The following NCAM2 variants were observed in gnomAD, a reference collection of about 807,000 sequenced individuals.
NCAM2 encodes the protein N-CAM-2.
In NCAM2, 30 loss-of-function variants were observed where a neutral mutation model predicts 98.1. The ratio of observed to expected loss-of-function variants is 0.31; its 90% CI spans 0.23 to 0.41. The LOEUF (loss-of-function observed/expected upper bound fraction) is 0.41, where lower values mean the gene tolerates loss of function less well. Among genes scored for constraint, NCAM2 ranks in the 10% least tolerant of loss-of-function variants. The pLI is 1.00. For synonymous variants in NCAM2, 368 were observed against 342.4 expected (o/e 1.07, Z -0.83); for missense variants, 867 against 1,005.8 (o/e 0.86, Z 1.87).
At chr21:21,057,765 C>T (rs2065241767) in intron 1 of NCAM2, among the ~76,000 whole-genome samples, 1 of 152,108 alleles carries the variant, frequency 6.6e-6, no homozygotes, top group African/African-American at 2.4e-5. Flanking sequence ...TATTGACTAG[C>T]TAAAACGGGA....
At chr21:21,278,004 A>G (rs1023712189) in intron 1 of NCAM2, among the ~76,000 whole-genome samples, 2 of 152,198 alleles carry the variant, frequency 1.3e-5, no homozygotes, top group African/African-American at 4.8e-5. Context: ...GTTTGCATAC[A>G]GAAAATTTGA....
intron 1 of NCAM2, among the ~76,000 whole-genome samples, chr21:21,262,658 C>CAAAAAAAAAAAAAAAA (rs33912324): frequency 1.5e-4 from 12 of 78,888 alleles, no homozygotes; most frequent in East Asian, 9.8e-4. Context: ...AACAATCAGT[C>CAAAAAAAAAAAAAAAA]AAAAAAAAAA....
chr21:21,057,574 C>T (rs1261307794), intron 1 of NCAM2, among the ~76,000 whole-genome samples: 1 of 152,074 alleles, frequency 6.6e-6, no homozygotes, highest in African/African-American at 2.4e-5. Context: ...CCGACAAATC[C>T]TTCCTGATCG....
intron 8 of NCAM2, among the ~76,000 whole-genome samples, chr21:21,353,740 C>T (rs1376853746): frequency 6.6e-6 from 1 of 152,072 alleles, no homozygotes; most frequent in Non-Finnish European, 1.5e-5. Flanking sequence ...CTTCTTTGGG[C>T]CATTATACAC....
chr21:21,494,647 A>G (rs1987086437), intron 15 of NCAM2, among the ~76,000 whole-genome samples: 2 of 152,034 alleles, frequency 1.3e-5, no homozygotes, highest in South Asian at 4.1e-4. Flanking sequence ...GTTCAACTGG[A>G]TAGTTAAAGA....
intron 12 of NCAM2, among the ~76,000 whole-genome samples, chr21:21,465,554 TA>T (rs367897813): frequency 0.53 from 79,390 of 151,044 alleles, 21,748 homozygotes; most frequent in African/African-American, 0.59. Flanking sequence ...TAAATTATAA[TA>T]TAATCATTAG....
Position 21,540,132 on chromosome 21 carries a change from GCTTTA to G in NCAM2, c.*2179_*2183del. The G allele has an allele frequency of 6.6e-6, 1 of 152,026 alleles. No homozygotes were observed. The highest frequency in any genetic ancestry group is 2.1e-4 in the South Asian group (1 of 4,826). The allele number at this position is 152,026 out of a possible 1,614,324, so 9.4% of individuals were successfully genotyped here. ...GCATGTTTACTATTGTTATATTCGT[GCTTTA>G]CTTCAAGAGTGCAGAAATCATAATA... On this transcript the variant is annotated 3_prime_UTR_variant, in exon 18 of 18. Transcript: ENST00000400546.
intron 1 of NCAM2, among the ~76,000 whole-genome samples, chr21:21,167,030 A>G (rs1322983075): frequency 6.6e-6 from 1 of 152,186 alleles, no homozygotes; most frequent in East Asian, 1.9e-4. Context: ...TCTCCAAATT[A>G]TGCTATTAGT....
At chr21:21,154,690 C>T (rs11911633) in intron 1 of NCAM2, among the ~76,000 whole-genome samples, 6,806 of 151,874 alleles carry the variant, frequency 0.045, 501 homozygotes, top group African/African-American at 0.15. Context: ...AAAATAGAGT[C>T]TGCCCAGAAA....
chr21:21,345,071 C>G (rs751186142), intron 8 of NCAM2, among the ~76,000 whole-genome samples: 50 of 152,130 alleles, frequency 3.3e-4, no homozygotes, highest in Non-Finnish European at 2.9e-5. Context: ...CATTACTGGG[C>G]TTTGGGTCCC....
At chr21:21,522,537 C>G (rs1294459141) in intron 16 of NCAM2, among the ~76,000 whole-genome samples, 1 of 151,256 alleles carries the variant, frequency 6.6e-6, no homozygotes, top group Admixed American at 6.6e-5. Context: ...GAAAGAATAT[C>G]CTTTCTCAGA....
intron 5 of NCAM2, among the ~76,000 whole-genome samples, chr21:21,320,346 C>T (rs908619769): frequency 2.0e-5 from 3 of 151,624 alleles, no homozygotes; most frequent in South Asian, 2.1e-4. Context: ...TTTTTCCAAA[C>T]GAAATTATAA....
At chr21:21,192,222 AAAAAACAAAAAAAC>A (rs1019388832) in intron 1 of NCAM2, among the ~76,000 whole-genome samples, 12 of 152,102 alleles carry the variant, frequency 7.9e-5, no homozygotes, top group Non-Finnish European at 1.3e-4. Context: ...AAACTCCCTC[AAAAAACAAAAAAAC>A]AAAAACAAAA....
At chr21:21,176,049 G>T (rs1209103807) in intron 1 of NCAM2, among the ~76,000 whole-genome samples, 4 of 152,152 alleles carry the variant, frequency 2.6e-5, no homozygotes, top group Non-Finnish European at 1.5e-5. Flanking sequence ...TGTTCTGTGA[G>T]TTACCAAGAA....
At chr21:21,223,884 AT>A in intron 1 of NCAM2, 1 of 152,326 alleles carries the variant, frequency 6.6e-6, no homozygotes, top group East Asian at 1.9e-4. Flanking sequence ...AAAACAGAAA[AT>A]AAAGCAGAAA....
At chr21:21,390,431 G>GAAT (rs1174026795) in intron 9 of NCAM2, among the ~76,000 whole-genome samples, 1 of 152,064 alleles carries the variant, frequency 6.6e-6, no homozygotes, top group Non-Finnish European at 1.5e-5. Flanking sequence ...TATTTTAAGT[G>GAAT]AATGACCTTT....
intron 7 of NCAM2, among the ~76,000 whole-genome samples, chr21:21,336,560 A>AT (rs1235377907): frequency 2.0e-5 from 3 of 151,496 alleles, no homozygotes; most frequent in Admixed American, 2.0e-4. Context: ...AAAAAGTATA[A>AT]TAAAAAAAAA....
chr21:21,539,933 A>G lies in NCAM2; in HGVS notation c.*1976A>G, dbSNP rs373450121. 1 of 152,060 alleles carries G rather than the reference A, an allele frequency of 6.6e-6. No individual in the cohort carries two copies. The highest frequency in any genetic ancestry group is 1.5e-5 in the Non-Finnish European group (1 of 68,004). The allele number at this position is 152,060 out of a possible 1,614,324, so 9.4% of individuals were successfully genotyped here. A position where few individuals can be genotyped will look rare whatever the true frequency, so the allele number is the denominator to read the frequency against. On this transcript the variant is annotated 3_prime_UTR_variant, in exon 18 of 18. Transcript: ENST00000400546. ...TATTTTGTTGTTTGTTTTGTTTTGT[A>G]CCAGTGTACTAAAACTAGTCAAAAT... is the stretch of plus-strand genomic sequence containing the variant.
intron 15 of NCAM2, among the ~76,000 whole-genome samples, chr21:21,481,525 G>A (rs233754): frequency 0.036 from 5,462 of 152,250 alleles, 318 homozygotes; most frequent in African/African-American, 0.12. Flanking sequence ...TTGTATGTGA[G>A]GTTAGGGAGT....
Sources: allele counts gnomAD v4.1 joint callset (sites outside exome capture counted in the v4.1 genomes callset), GRCh38; gene constraint gnomAD v4.1.1; transcripts MANE v1.5; gene names NCBI Gene and HGNC (gene_info 2026-07-23, HGNC 2026-07-21).